Variants in MME observed in about 807,000 individuals in gnomAD.
MME encodes neprilysin.
Under a neutral mutation model 113.2 loss-of-function variants are expected in MME, and 98 were observed. The observed-to-expected ratio is 0.87, with a 90% CI of 0.74 to 1.02. The LOEUF (loss-of-function observed/expected upper bound fraction) is 1.02. Among genes scored for constraint, MME ranks in the 50% least tolerant of loss-of-function variants. The pLI is 0.00. For missense variants in MME, 836 were observed against 896.0 expected (o/e 0.93, Z 0.86); for synonymous variants, 292 against 300.6 (o/e 0.97, Z 0.30).
chr3:155,172,547 A>G lies in MME; in HGVS notation c.2088A>G (p.Gly696=). The part of the protein sequence containing the change: ...FFLNFAQVWC[G]TYRPEYAVNS... ...ATTCCTATCTCTAGGTGTGGTGTGG[A>G]ACCTATAGGCCAGAGTATGCGGTTA... Residue 696 remains glycine, a synonymous_variant, in exon 22 of 23, where the codon GGA becomes GGG. Coordinates refer to ENST00000360490, the MANE Select transcript of MME (RefSeq NM_007289.4). 1 of 1,612,148 alleles carries G rather than the reference A, an allele frequency of 6.2e-7. No homozygotes were observed. Among genetic ancestry groups the G allele is most frequent in the Non-Finnish European group, 8.5e-7 (1 of 1,178,422 alleles).
intron 22 of MME, among the ~76,000 whole-genome samples, chr3:155,176,244 A>G (rs1026230545): frequency 7.9e-5 from 12 of 152,214 alleles, no homozygotes; most frequent in African/African-American, 1.7e-4. Context: ...CTTGGTCCCA[A>G]TGCCAAATCT....
At position 155,144,470 on chromosome 3, in the gene MME, C is replaced by G. The variant is rs1381034421; in HGVS notation, c.1416+13C>G. On this transcript the variant is annotated intron_variant, in intron 14 of 22. Transcript: ENST00000360490. ...AGCTGAAGAAAAGGTAAAGAGCAGA[C>G]AGCTAACTAGCAAAGAAAAATCTTT... 6.5e-7 allele frequency: 1 copy of G among 1,541,144 alleles called. No homozygotes were observed.
In MME at chr3:155,180,702, A is replaced by G. The variant is rs1713008267; in HGVS notation, c.*243A>G. On this transcript the variant is annotated 3_prime_UTR_variant, in exon 23 of 23. Coordinates refer to ENST00000360490, the MANE Select transcript of MME (RefSeq NM_007289.4). The stretch of plus-strand genomic sequence containing the variant: ...ACTGTGTACATAATGCTTAATTTCT[A>G]AAGATAATATTACTGTTTATTTCTG... 6.3e-6 allele frequency: 3 copies of G among 479,406 alleles called. No homozygotes were observed. In the South Asian group the frequency reaches 6.3e-5, roughly 10 times the overall value. The allele number at this position is 479,406 out of a possible 1,614,324, so 29.7% of individuals were successfully genotyped here.
intron 1 of MME, among the ~76,000 whole-genome samples, chr3:155,032,668 C>G (rs1053100831): frequency 1.3e-5 from 2 of 152,102 alleles, no homozygotes; most frequent in African/African-American, 4.8e-5. Flanking sequence ...TAATTGTGGG[C>G]AAAATGACAG....
intron 3 of MME, among the ~76,000 whole-genome samples, chr3:155,091,496 A>G (rs1254166435): frequency 6.6e-6 from 1 of 152,210 alleles, no homozygotes; most frequent in Non-Finnish European, 1.5e-5. Context: ...GGTTTATTTT[A>G]TAGCTACAGA....
At chr3:155,043,857 T>A (rs1713448245) in intron 1 of MME, among the ~76,000 whole-genome samples, 1 of 152,094 alleles carries the variant, frequency 6.6e-6, no homozygotes, top group Non-Finnish European at 1.5e-5. Context: ...TACTTACATG[T>A]TTACTTTTAC....
In MME at chr3:155,067,300, C is replaced by CTTTTTTTTT. The variant is rs576443367; in HGVS notation, c.-10-16840_-10-16832dup. Among the ~76,000 whole-genome samples the CTTTTTTTTT allele has an allele frequency of 1.3e-4, 12 of 92,076 alleles. 1 individual carries two copies. Among genetic ancestry groups the CTTTTTTTTT allele is most frequent in the Non-Finnish European group, 2.7e-4 (12 of 45,282 alleles). The allele number at this position is 92,076 out of a possible 152,430, so 60.4% of individuals were successfully genotyped here. On this transcript the variant is annotated intron_variant, in intron 1 of 22. Coordinates refer to the MME transcript ENST00000492661. ...GATTTAGCTTTTGCAATTTATTTTC[C>CTTTTTTTTT]TTTTTTTTTTTTTTTTTTTTTTTTT... is the stretch of plus-strand genomic sequence containing the variant.
At chr3:155,069,883 C>A (rs1576681893) in intron 1 of MME, among the ~76,000 whole-genome samples, 1 of 152,268 alleles carries the variant, frequency 6.6e-6, no homozygotes, top group Non-Finnish European at 1.5e-5. Flanking sequence ...TGTTGGTTAA[C>A]GTCAGCAGAA....
chr3:155,070,702 C>G (rs2108143931), intron 1 of MME, among the ~76,000 whole-genome samples: 1 of 152,290 alleles, frequency 6.6e-6, no homozygotes, highest in Non-Finnish European at 1.5e-5. Context: ...GAATTGATTA[C>G]ATTTTGAATA....
intron 1 of MME, among the ~76,000 whole-genome samples, chr3:155,036,817 A>T (rs1433214708): frequency 3.9e-5 from 6 of 152,108 alleles, no homozygotes; most frequent in Admixed American, 2.0e-4. Context: ...TTTTTTACCT[A>T]TCCTAAGGTT....
rs1292365392 is a variant in MME at position 155,057,392 on chromosome 3, A to G, written c.-10-26766A>G. 4.6e-5 allele frequency among the ~76,000 whole-genome samples: 7 copies of G among 152,100 alleles called. No homozygotes were observed. The South Asian group carries it at 1.5e-3, about 32-fold the overall frequency. On this transcript the variant is annotated intron_variant, in intron 1 of 22. Transcript: ENST00000492661. The stretch of plus-strand genomic sequence containing the variant: ...CAGAGAAATGCAAATCAAAACCACA[A>G]TGAGATACCATCTCACACCAGTTAG...
At chr3:155,072,343 CTT>C (rs1714606640) in intron 1 of MME, among the ~76,000 whole-genome samples, 1 of 152,240 alleles carries the variant, frequency 6.6e-6, no homozygotes, top group Admixed American at 6.5e-5. Flanking sequence ...AGAGTAAACA[CTT>C]TTCCATCACA....
At chr3:155,078,146 G>A (rs539595572), upstream of MME, among the ~76,000 whole-genome samples, 2 of 152,108 alleles carry the variant, frequency 1.3e-5, no homozygotes, top group South Asian at 2.1e-4. Context: ...GGCTGAGGCA[G>A]GAGAATCGCT....
chr3:155,100,693 T>C (rs187691515), intron 3 of MME, among the ~76,000 whole-genome samples: 2 of 152,256 alleles, frequency 1.3e-5, no homozygotes, highest in East Asian at 1.9e-4. Context: ...AAGAAACTCA[T>C]ATCATGCAAA....
intron 1 of MME, among the ~76,000 whole-genome samples, chr3:155,070,289 C>T (rs1029351228): frequency 4.6e-5 from 7 of 152,138 alleles, no homozygotes; most frequent in Admixed American, 3.3e-4. Context: ...GAAAAGATTT[C>T]TTACATTAAA....
intron 3 of MME, among the ~76,000 whole-genome samples, chr3:155,099,363 G>A (rs936613394): frequency 3.3e-5 from 5 of 152,052 alleles, no homozygotes; most frequent in Non-Finnish European, 7.4e-5. Flanking sequence ...AATATGTTCT[G>A]TTTAAACATT....
upstream of MME, chr3:155,079,586 C>G (rs1468584077): frequency 7.0e-6 from 1 of 143,660 alleles, no homozygotes; most frequent in African/African-American, 2.6e-5. Context: ...ACCCAGGGAA[C>G]TGCTCCTCTC....
intron 1 of MME, among the ~76,000 whole-genome samples, chr3:155,035,518 A>G (rs562191579): frequency 9.2e-5 from 14 of 152,222 alleles, no homozygotes; most frequent in African/African-American, 3.4e-4. Flanking sequence ...AAAGAAAGTG[A>G]ACAGAGATTA....
chr3:155,053,318 G>C (rs1175439986), intron 1 of MME, among the ~76,000 whole-genome samples: 4 of 152,110 alleles, frequency 2.6e-5, no homozygotes, highest in Admixed American at 2.6e-4. Context: ...CTCAAGACTG[G>C]GTAATTTGTA....
Sources: gnomAD v4.1 joint callset for allele counts (sites outside exome capture counted in the v4.1 genomes callset) on GRCh38, gnomAD v4.1.1 for gene constraint, MANE v1.5 for transcripts, NCBI Gene and HGNC (gene_info 2026-07-23, HGNC 2026-07-21) for gene names.